Variants in AOPEP observed in about 807,000 individuals in gnomAD.
AOPEP encodes aminopeptidase O.
AOPEP carries 77 observed loss-of-function variants against 98.1 expected under a neutral mutation model. The observed-to-expected ratio is 0.78, with a 90% CI of 0.65 to 0.95. The LOEUF (loss-of-function observed/expected upper bound fraction) is 0.95, where lower values mean the gene tolerates loss of function less well. Ranked by LOEUF, AOPEP falls within the 40% of genes least tolerant of loss-of-function variation. AOPEP has a pLI of 0.00. For missense variants in AOPEP, 1,024 were observed against 1,024.7 expected, an observed-to-expected ratio of 1.00 and a Z score of 0.01; for synonymous variants, 346 against 365.3, an observed-to-expected ratio of 0.95 and a Z score of 0.60.
intron 1 of AOPEP, among the ~76,000 whole-genome samples, chr9:94,732,569 A>G (rs992536959): frequency 6.6e-6 from 1 of 152,198 alleles, no homozygotes; most frequent in Non-Finnish European, 1.5e-5. Flanking sequence ...GTGTTTAATA[A>G]TGATATTTTA....
the AOPEP span, among the ~76,000 whole-genome samples, chr9:95,135,765 T>C: frequency 6.6e-6 from 1 of 152,152 alleles, no homozygotes; most frequent in Non-Finnish European, 1.5e-5. Flanking sequence ...TAAGCAAATG[T>C]CTAGTGATGG....
At chr9:94,895,355 A>G (rs1459228401) in intron 5 of AOPEP, among the ~76,000 whole-genome samples, 1 of 150,334 alleles carries the variant, frequency 6.7e-6, no homozygotes, top group Non-Finnish European at 1.5e-5. Flanking sequence ...AGCTGTGGTC[A>G]TGCCACTGCA....
intron 6 of AOPEP, among the ~76,000 whole-genome samples, chr9:94,924,931 G>C (rs2054079813): frequency 6.6e-6 from 1 of 152,232 alleles, no homozygotes; most frequent in Non-Finnish European, 1.5e-5. Flanking sequence ...TTGGCCACCA[G>C]TTCCAATGAG....
chr9:94,993,186 C>T (rs914640533), intron 11 of AOPEP, among the ~76,000 whole-genome samples: 3 of 152,136 alleles, frequency 2.0e-5, no homozygotes, highest in East Asian at 1.9e-4. Flanking sequence ...AAAATTCCTA[C>T]GGGTCAGTAG....
At chr9:94,920,837 C>T (rs776547031) in intron 5 of AOPEP, among the ~76,000 whole-genome samples, 105 of 152,256 alleles carry the variant, frequency 6.9e-4, no homozygotes, top group Admixed American at 3.8e-3. Flanking sequence ...ACATGCAATA[C>T]GCTTGGCCTC....
intron 9 of AOPEP, among the ~76,000 whole-genome samples, chr9:94,961,475 G>A (rs1249703373): frequency 1.3e-5 from 2 of 152,032 alleles, no homozygotes; most frequent in Admixed American, 1.3e-4. Context: ...TTTTCCAATT[G>A]CGTTTATCTT....
At chr9:95,046,107 G>A (rs1054923817) in intron 13 of AOPEP, among the ~76,000 whole-genome samples, 4 of 152,162 alleles carry the variant, frequency 2.6e-5, no homozygotes, top group Non-Finnish European at 4.4e-5. Flanking sequence ...CTTCCGAAAA[G>A]CAAAATGGAG....
At chr9:95,135,946 T>C in the AOPEP span, among the ~76,000 whole-genome samples, 1 of 152,208 alleles carries the variant, frequency 6.6e-6, no homozygotes, top group African/African-American at 2.4e-5. Context: ...TCAGAGAAGT[T>C]AACCTCAGTT....
chr9:94,814,960 G>A (rs928878506), intron 5 of AOPEP, among the ~76,000 whole-genome samples: 14 of 152,162 alleles, frequency 9.2e-5, no homozygotes, highest in African/African-American at 1.2e-4. Context: ...TTAGAGGTTG[G>A]AGTCCTTGCT....
chr9:94,837,311 G>T (rs1464088312), intron 5 of AOPEP, among the ~76,000 whole-genome samples: 1 of 152,074 alleles, frequency 6.6e-6, no homozygotes, highest in Non-Finnish European at 1.5e-5. Flanking sequence ...ATTCACAGCC[G>T]AACTCTATCA....
intron 5 of AOPEP, among the ~76,000 whole-genome samples, chr9:94,831,778 C>G (rs559767063): frequency 3.3e-5 from 5 of 151,480 alleles, no homozygotes; most frequent in African/African-American, 9.7e-5. Context: ...TTCCCAAGTG[C>G]TACAAAGAGA....
the AOPEP span, among the ~76,000 whole-genome samples, chr9:95,093,809 C>T: frequency 5.9e-5 from 9 of 152,144 alleles, no homozygotes; most frequent in South Asian, 2.1e-4. Flanking sequence ...CGCTGTAACT[C>T]GAGAGGCAGT....
intron 10 of AOPEP, among the ~76,000 whole-genome samples, chr9:94,978,194 A>T (rs2059969133): frequency 6.6e-6 from 1 of 152,120 alleles, no homozygotes; most frequent in Admixed American, 6.5e-5. Flanking sequence ...ATCTTTTCAT[A>T]ACTTCTAGAA....
At chr9:94,995,463 T>G (rs1316192926) in intron 11 of AOPEP, among the ~76,000 whole-genome samples, 1 of 152,062 alleles carries the variant, frequency 6.6e-6, no homozygotes, top group Admixed American at 6.5e-5. Flanking sequence ...TGACAGAGAG[T>G]GCCTAGTCTA....
In AOPEP at chr9:95,038,993, AT is replaced by A. The variant is rs2065064392; in HGVS notation, c.2116-21700del. Among the ~76,000 whole-genome samples the A allele has an allele frequency of 4.6e-5, 7 of 152,296 alleles. No homozygotes were observed. In the South Asian group the frequency reaches 1.5e-3, roughly 32 times the overall value. On this transcript the variant is annotated intron_variant, in intron 13 of 16. Transcript: ENST00000375315. ...ATTTGGCAATCGAAATGATCCTGTTATACCAAGCACTGTTTAGATTCATGTG... is the reference window on the plus strand; with the variant it reads ...ATTTGGCAATCGAAATGATCCTGTTAACCAAGCACTGTTTAGATTCATGTG...
chr9:95,150,051 AACTCGTGACAGGGACGCC>A, the AOPEP span: 1 of 1,614,142 alleles, frequency 6.2e-7, no homozygotes, highest in East Asian at 2.2e-5. Context: ...GTGGGACACA[AACTCGTGACAGGGACGCC>A]ACTCGCTCGG....
At chr9:95,046,349 G>A (rs1255465851) in intron 13 of AOPEP, among the ~76,000 whole-genome samples, 1 of 152,222 alleles carries the variant, frequency 6.6e-6, no homozygotes, top group African/African-American at 2.4e-5. Context: ...TGTGAGCGAT[G>A]AGGCTGATAG....
chr9:94,955,763 A>C (rs938148043), intron 8 of AOPEP, 145 bp from the exon 9 acceptor site: 13 of 575,320 alleles, frequency 2.3e-5, no homozygotes, highest in African/African-American at 5.5e-5. Context: ...TTCCTGGTGA[A>C]AATGGAAAGG....
intron 3 of AOPEP, among the ~76,000 whole-genome samples, chr9:94,790,656 T>C (rs1405272306): frequency 6.6e-6 from 1 of 152,070 alleles, no homozygotes; most frequent in African/African-American, 2.4e-5. Flanking sequence ...CACCGAAATA[T>C]TATTTATTTT....
Sources: allele counts gnomAD v4.1 joint callset (sites outside exome capture counted in the v4.1 genomes callset), GRCh38; gene constraint gnomAD v4.1.1; transcripts MANE v1.5; gene names NCBI Gene and HGNC (gene_info 2026-07-23, HGNC 2026-07-21).